The following PACRG variants were observed in gnomAD, a reference collection of about 807,000 sequenced individuals.
PACRG encodes the protein parkin coregulated, also known as parkin coregulated gene protein.
In PACRG, 29 loss-of-function variants were observed where a neutral mutation model predicts 29.7. The ratio of observed to expected loss-of-function variants is 0.98; its 90% CI spans 0.73 to 1.33. PACRG has a LOEUF of 1.33. Among genes scored for constraint, PACRG ranks in the 40% most tolerant of loss-of-function variants. The pLI, the probability that PACRG is intolerant of heterozygous loss-of-function variation, is 0.00. For synonymous variants in PACRG, 116 were observed against 118.7 expected, an observed-to-expected ratio of 0.98 and a Z score of 0.15; for missense variants, 279 against 316.2, an observed-to-expected ratio of 0.88 and a Z score of 0.89.
intron 4 of PACRG, among the ~76,000 whole-genome samples, chr6:163,101,972 C>T (rs941341872): frequency 3.3e-5 from 5 of 152,170 alleles, no homozygotes; most frequent in Non-Finnish European, 5.9e-5. Context: ...CGCAGCAAAG[C>T]TTCCTAAAAA....
chr6:163,118,816 G>A (rs1314519057), intron 4 of PACRG, among the ~76,000 whole-genome samples: 1 of 152,136 alleles, frequency 6.6e-6, no homozygotes, highest in Admixed American at 6.5e-5. Context: ...TCATTCAAGG[G>A]CAGATTCTGA....
At chr6:163,130,075 T>C (rs1816673577) in intron 4 of PACRG, among the ~76,000 whole-genome samples, 1 of 151,982 alleles carries the variant, frequency 6.6e-6, no homozygotes, top group Admixed American at 6.6e-5. Context: ...AAAGGAGAAA[T>C]GGCAAAGGCA....
At chr6:162,868,707 A>C (rs1384010241) in intron 2 of PACRG, among the ~76,000 whole-genome samples, 4 of 152,166 alleles carry the variant, frequency 2.6e-5, no homozygotes, top group Non-Finnish European at 4.4e-5. Flanking sequence ...GAGAATACGC[A>C]ACTCCTTCGC....
At chr6:162,906,005 C>T (rs1303784587) in intron 2 of PACRG, among the ~76,000 whole-genome samples, 1 of 151,798 alleles carries the variant, frequency 6.6e-6, no homozygotes, top group Admixed American at 6.6e-5. Context: ...GTTTTCCTAT[C>T]GAAGTTAGAA....
intron 4 of PACRG, among the ~76,000 whole-genome samples, chr6:163,110,368 A>C (rs1322938982): frequency 1.3e-5 from 2 of 152,264 alleles, no homozygotes; most frequent in African/African-American, 2.4e-5. Flanking sequence ...CAAATATAGA[A>C]TAGTGCATGT....
rs76102694 is a variant in PACRG, at chr6:163,212,695, T to A, written c.614-102132T>A. ...AATAAAAGTTTGATGAAAAATTGTA[T>A]ATTTACCATTATTTCATATTATCTC... is the stretch of plus-strand genomic sequence containing the variant. On this transcript the variant is annotated intron_variant, in intron 4 of 4. Coordinates refer to ENST00000366888, the MANE Select transcript of PACRG (RefSeq NM_001080379.2). 1.4e-4 allele frequency among the ~76,000 whole-genome samples: 22 copies of A among 152,086 alleles called. No homozygotes were observed. In the East Asian group the frequency reaches 3.7e-3, roughly 25 times the overall value.
intron 2 of PACRG, among the ~76,000 whole-genome samples, chr6:162,830,357 A>T (rs1385765064): frequency 1.3e-5 from 2 of 152,106 alleles, no homozygotes; most frequent in Non-Finnish European, 2.9e-5. Flanking sequence ...ACTCACCCAC[A>T]TGGCTCCAGC....
At chr6:162,773,770 C>T (rs1302761179) in intron 1 of PACRG, among the ~76,000 whole-genome samples, 1 of 152,000 alleles carries the variant, frequency 6.6e-6, no homozygotes, top group African/African-American at 2.4e-5. Context: ...CCGCCTCGGC[C>T]TCCCAAAGTG....
intron 2 of PACRG, among the ~76,000 whole-genome samples, chr6:162,893,275 C>A (rs1194314962): frequency 6.6e-6 from 1 of 152,120 alleles, no homozygotes; most frequent in African/African-American, 2.4e-5. Context: ...CTTAACTTAC[C>A]GAGAAATTTT....
chr6:162,727,511 G>A, upstream of PACRG: 4 of 844,968 alleles, frequency 4.7e-6, no homozygotes, highest in South Asian at 5.2e-5. Context: ...GAGCTGGGGA[G>A]CCCGGCGGCG....
At chr6:163,129,320 G>T (rs1319125033) in intron 4 of PACRG, among the ~76,000 whole-genome samples, 2 of 152,230 alleles carry the variant, frequency 1.3e-5, no homozygotes, top group Non-Finnish European at 2.9e-5. Flanking sequence ...ACAGGACATT[G>T]TCGTTTTTTA....
chr6:163,088,522 C>A (rs1434214410), intron 3 of PACRG, among the ~76,000 whole-genome samples: 1 of 152,156 alleles, frequency 6.6e-6, no homozygotes, highest in Non-Finnish European at 1.5e-5. Context: ...TGATTCCCGA[C>A]CCCCTGCACT....
chr6:163,066,492 G>C (rs1175763491), intron 3 of PACRG, among the ~76,000 whole-genome samples: 1 of 152,182 alleles, frequency 6.6e-6, no homozygotes, highest in Non-Finnish European at 1.5e-5. Flanking sequence ...TGTCTAAATA[G>C]TGGAGGGAAA....
At chr6:162,892,163 G>C (rs1274314777) in intron 2 of PACRG, 2 of 152,428 alleles carry the variant, frequency 1.3e-5, no homozygotes, top group Non-Finnish European at 2.9e-5. Flanking sequence ...AGTCCGCTTG[G>C]TTCTTACTTT....
At chr6:163,117,330 C>G (rs1816051708) in intron 4 of PACRG, among the ~76,000 whole-genome samples, 2 of 152,180 alleles carry the variant, frequency 1.3e-5, no homozygotes, top group Non-Finnish European at 2.9e-5. Context: ...CAGGGGCCAC[C>G]TAGAGACTGA....
At chr6:162,947,097 A>T (rs1799069208) in intron 2 of PACRG, among the ~76,000 whole-genome samples, 1 of 151,770 alleles carries the variant, frequency 6.6e-6, no homozygotes, top group Non-Finnish European at 1.5e-5. Flanking sequence ...CCTATTCAAC[A>T]TGCTACTGAA....
chr6:163,195,394 C>G (rs1462180436), intron 4 of PACRG, among the ~76,000 whole-genome samples: 2 of 152,166 alleles, frequency 1.3e-5, no homozygotes, highest in African/African-American at 2.4e-5. Flanking sequence ...CCAAGACTAT[C>G]TCCTCATGTG....
chr6:162,831,990 A>G (rs145708393), intron 2 of PACRG, among the ~76,000 whole-genome samples: 2 of 152,318 alleles, frequency 1.3e-5, no homozygotes, highest in Admixed American at 6.5e-5. Flanking sequence ...TATCTTTATA[A>G]TAGAATGATT....
At chr6:162,841,846 G>A (rs1218784777) in intron 2 of PACRG, among the ~76,000 whole-genome samples, 7 of 151,848 alleles carry the variant, frequency 4.6e-5, no homozygotes, top group South Asian at 2.1e-4. Flanking sequence ...CCTTCATTTC[G>A]TTATGTATCC....
Sources: allele counts gnomAD v4.1 joint callset (sites outside exome capture counted in the v4.1 genomes callset), GRCh38; gene constraint gnomAD v4.1.1; transcripts MANE v1.5; gene names NCBI Gene and HGNC (gene_info 2026-07-23, HGNC 2026-07-21).